Variants in MSI2 observed in about 807,000 individuals in gnomAD.
The protein encoded by MSI2 is RNA-binding protein Musashi homolog 2.
A neutral mutation model predicts 45.6 loss-of-function variants in MSI2; 17 were observed. That is an observed-to-expected ratio of 0.37 (90% confidence interval 0.26 to 0.56). MSI2 has a LOEUF of 0.56. Among genes scored for constraint, MSI2 ranks in the 20% least tolerant of loss-of-function variants. The pLI, the probability that MSI2 is intolerant of heterozygous loss-of-function variation, is 0.77. For missense variants in MSI2, 293 were observed against 444.2 expected (o/e 0.66, Z 3.06); for synonymous variants, 156 against 158.2 (o/e 0.99, Z 0.11).
intron 6 of MSI2, among the ~76,000 whole-genome samples, chr17:57,408,664 C>T (rs1337106234): frequency 1.9e-4 from 1 of 5,324 alleles, no homozygotes; most frequent in East Asian, 0.25. Context: ...CCTCTGAAGA[C>T]GTCACTTAAC....
intron 7 of MSI2, among the ~76,000 whole-genome samples, chr17:57,589,609 C>T (rs546543080): frequency 2.0e-5 from 3 of 152,326 alleles, no homozygotes; most frequent in East Asian, 3.9e-4. Context: ...CGACTTGTGA[C>T]GATGCAAGCA....
At chr17:57,609,146 T>C (rs187513092) in intron 8 of MSI2, among the ~76,000 whole-genome samples, 74 of 152,280 alleles carry the variant, frequency 4.9e-4, no homozygotes, top group African/African-American at 1.7e-3. Context: ...CAGGGCCTAA[T>C]GTCCGGAGGT....
intron 6 of MSI2, among the ~76,000 whole-genome samples, chr17:57,423,663 T>C (rs2084437271): frequency 6.6e-6 from 1 of 152,220 alleles, no homozygotes; most frequent in Non-Finnish European, 1.5e-5. Flanking sequence ...TTGTCATCTT[T>C]CCTTCTTGAC....
At chr17:57,297,260 G>A (rs1911059638) in intron 5 of MSI2, among the ~76,000 whole-genome samples, 1 of 151,420 alleles carries the variant, frequency 6.6e-6, no homozygotes, top group African/African-American at 2.4e-5. Flanking sequence ...ACACCTTGGA[G>A]ATATTGCAGA....
At chr17:57,638,787 A>G (rs2144646211) in intron 10 of MSI2, among the ~76,000 whole-genome samples, 1 of 152,292 alleles carries the variant, frequency 6.6e-6, no homozygotes, top group Non-Finnish European at 1.5e-5. Flanking sequence ...CTGAAATCCC[A>G]GCTACTTGGG....
Position 57,422,251 on chromosome 17 carries a change from C to T in MSI2, c.405+20780C>T, listed in dbSNP as rs144327825. Among the ~76,000 whole-genome samples, 13 of 152,138 alleles carry T rather than the reference C, an allele frequency of 8.5e-5. No homozygotes were observed. In the East Asian group the frequency reaches 1.5e-3, roughly 18 times the overall value. On this transcript the variant is annotated intron_variant, in intron 6 of 13. Transcript: ENST00000284073. Reference sequence around the variant, plus strand: ...CTGAGGAGGGCGGATCATGAGATCACGAATTCGAGACCAGCCTGGCCAATA... The same window carrying T: ...CTGAGGAGGGCGGATCATGAGATCATGAATTCGAGACCAGCCTGGCCAATA...
chr17:57,692,222 C>T, the MSI2 span, among the ~76,000 whole-genome samples: 15 of 152,014 alleles, frequency 9.9e-5, no homozygotes, highest in African/African-American at 3.6e-4. Context: ...ATATATTATC[C>T]TTTTTACATA....
intron 6 of MSI2, among the ~76,000 whole-genome samples, chr17:57,487,591 T>C (rs1306294937): frequency 6.6e-6 from 1 of 151,994 alleles, no homozygotes; most frequent in African/African-American, 2.4e-5. Flanking sequence ...CCCTGCTCAA[T>C]ACCTGGCAGC....
chr17:57,387,169 C>A lies in MSI2; in HGVS notation c.313-14210C>A, dbSNP rs545623059. On this transcript the variant is annotated intron_variant, in intron 5 of 13. Coordinates refer to ENST00000284073, the MANE Select transcript of MSI2 (RefSeq NM_138962.4). ...GGGCGCATTGGGGAATATATCTTTT[C>A]CTTTTTTCTTTTTCATTGTTTGGTT... 2.9e-3 allele frequency among the ~76,000 whole-genome samples: 445 copies of A among 152,312 alleles called. 3 individuals are homozygous for A. Among genetic ancestry groups the A allele is most frequent in the African/African-American group, 0.01 (431 of 41,574 alleles).
intron 7 of MSI2, among the ~76,000 whole-genome samples, chr17:57,533,672 A>T: frequency 6.6e-6 from 1 of 152,332 alleles, no homozygotes; most frequent in South Asian, 2.1e-4. Context: ...AGGTTTATCC[A>T]GAAGTGCTCT....
intron 5 of MSI2, among the ~76,000 whole-genome samples, chr17:57,281,575 T>C (rs527709562): frequency 1.2e-3 from 178 of 152,336 alleles, no homozygotes; most frequent in Admixed American, 2.2e-3. Flanking sequence ...TAGCTCTTTC[T>C]TCGAGCAGAA....
chr17:57,581,059 C>CTGGAGTG (rs1482164236), intron 7 of MSI2, among the ~76,000 whole-genome samples: 2 of 121,914 alleles, frequency 1.6e-5, no homozygotes, highest in Admixed American at 1.1e-4. Context: ...GTCACCCAGG[C>CTGGAGTG]TGGAGTGCAG....
chr17:57,516,252 A>G (rs895701246), intron 6 of MSI2, among the ~76,000 whole-genome samples: 3 of 152,154 alleles, frequency 2.0e-5, no homozygotes, highest in East Asian at 1.9e-4. Context: ...CCTCATCACA[A>G]TAATGTTGTC....
intron 11 of MSI2, among the ~76,000 whole-genome samples, chr17:57,658,963 G>C (rs1159565969): frequency 6.6e-6 from 1 of 152,194 alleles, no homozygotes. Flanking sequence ...CCCTAAAGCT[G>C]ATCAACCTGC....
At chr17:57,294,869 C>G (rs1910780833) in intron 5 of MSI2, 1 of 152,406 alleles carries the variant, frequency 6.6e-6, no homozygotes, top group South Asian at 2.1e-4. Flanking sequence ...TGATCCCCTG[C>G]TCTGGGTTGG....
At chr17:57,274,610 T>C (rs1908687063) in intron 5 of MSI2, 1 of 152,242 alleles carries the variant, frequency 6.6e-6, no homozygotes, top group Non-Finnish European at 1.5e-5. Context: ...TACTGCTGTC[T>C]TCTGCCTTAC....
chr17:57,554,339 C>T (rs944359455), intron 7 of MSI2, among the ~76,000 whole-genome samples: 1 of 152,048 alleles, frequency 6.6e-6, no homozygotes, highest in Non-Finnish European at 1.5e-5. Context: ...TACTAGAGAG[C>T]CTTGTTACTT....
At chr17:57,501,992 T>C (rs1240486086) in intron 6 of MSI2, among the ~76,000 whole-genome samples, 1 of 152,172 alleles carries the variant, frequency 6.6e-6, no homozygotes, top group East Asian at 1.9e-4. Context: ...GCATAGCCAG[T>C]TTCTAGGAGG....
rs113255024 is a variant in MSI2 at position 57,280,925 on chromosome 17, G to A, written c.312+18733G>A. 0.017 allele frequency among the ~76,000 whole-genome samples: 2,657 copies of A among 152,112 alleles called. 36 individuals are homozygous for A. The highest frequency in any genetic ancestry group is 0.03 in the Non-Finnish European group (2,064 of 67,978). ...CTTAATGAGTTTTAGGGTGGGGGTG[G>A]CCAGGTCAGATGGGTGTTGGGGAAA... On this transcript the variant is annotated intron_variant, in intron 5 of 13. Coordinates refer to ENST00000284073, the MANE Select transcript of MSI2 (RefSeq NM_138962.4). This position sits in a 1 kb window ranked among gnomAD's most constrained non-coding sequence, Gnocchi z 4.2.
Sources: gnomAD v4.1 joint callset for allele counts (sites outside exome capture counted in the v4.1 genomes callset) on GRCh38, gnomAD v4.1.1 for gene constraint, Gnocchi (gnomAD v3.1) non-coding constraint, MANE v1.5 for transcripts, NCBI Gene and HGNC (gene_info 2026-07-23, HGNC 2026-07-21) for gene names.